SGMS1: variants seen among roughly 807,000 people sequenced by gnomAD.
SGMS1 encodes the protein sphingomyelin synthase 1, also known as phosphatidylcholine:ceramide cholinephosphotransferase 1.
SGMS1 carries 13 observed loss-of-function variants against 46.2 expected under a neutral mutation model. That is an observed-to-expected ratio of 0.28 (90% CI 0.18 to 0.45). The LOEUF (loss-of-function observed/expected upper bound fraction) is 0.45, where lower values mean the gene tolerates loss of function less well. SGMS1 is among the 20% of genes least tolerant of loss of function. The pLI, the probability that SGMS1 is intolerant of heterozygous loss-of-function variation, is 1.00. For synonymous variants in SGMS1, 203 were observed against 187.8 expected (o/e 1.08, Z -0.66); for missense variants, 324 against 519.9 (o/e 0.62, Z 3.66).
chr10:50,338,898 C>T (rs776253087), intron 7 of SGMS1, among the ~76,000 whole-genome samples: 42 of 152,128 alleles, frequency 2.8e-4, no homozygotes, highest in Non-Finnish European at 8.8e-5. Flanking sequence ...TGCCATCACG[C>T]CCAGCTAATT....
At chr10:50,472,398 A>G (rs1837386236) in intron 3 of SGMS1, among the ~76,000 whole-genome samples, 1 of 152,066 alleles carries the variant, frequency 6.6e-6, no homozygotes, top group Non-Finnish European at 1.5e-5. Flanking sequence ...CTCTACTTCT[A>G]TGAGTTTGAC....
At chr10:50,451,360 T>A (rs1179124328) in intron 5 of SGMS1, among the ~76,000 whole-genome samples, 1 of 152,214 alleles carries the variant, frequency 6.6e-6, no homozygotes, top group Non-Finnish European at 1.5e-5. Context: ...CACTACTAAC[T>A]TTCAAAAACT....
At chr10:50,496,990 T>C (rs1837620757) in intron 3 of SGMS1, among the ~76,000 whole-genome samples, 1 of 152,214 alleles carries the variant, frequency 6.6e-6, no homozygotes, top group Non-Finnish European at 1.5e-5. Context: ...CCACTCTAGC[T>C]TCCACCCACT....
At position 50,399,068 on chromosome 10, in the gene SGMS1, G is replaced by A. The variant is rs191216769; in HGVS notation, c.-232+34408C>T. Among the ~76,000 whole-genome samples, 26 of 152,176 alleles carry A rather than the reference G, an allele frequency of 1.7e-4. 1 individual carries two copies. Among genetic ancestry groups the A allele is most frequent in the Admixed American group, 1.6e-3 (25 of 15,292 alleles). ...AGAGGAATCTTATCTTTTAAGAACC[G>A]ATGGAAATGTTCTAAAACTGGTTTA... is the stretch of plus-strand genomic sequence containing the variant. On this transcript the variant is annotated intron_variant, in intron 6 of 10. Coordinates refer to ENST00000361781, the MANE Select transcript of SGMS1 (RefSeq NM_147156.4).
intron 2 of SGMS1, among the ~76,000 whole-genome samples, chr10:50,561,577 T>C (rs1348939765): frequency 6.6e-6 from 1 of 152,198 alleles, no homozygotes; most frequent in African/African-American, 2.4e-5. Flanking sequence ...ATCCTTAATC[T>C]TTATAAATAC....
At chr10:50,587,839 T>C (rs12572387) in intron 2 of SGMS1, among the ~76,000 whole-genome samples, 31,591 of 152,094 alleles carry the variant, frequency 0.21, 4,305 homozygotes, top group East Asian at 0.64. Flanking sequence ...TGAGATTGTG[T>C]TAGTCATGCT....
intron 1 of SGMS1, among the ~76,000 whole-genome samples, chr10:50,602,838 G>T (rs546004010): frequency 3.9e-5 from 6 of 152,154 alleles, no homozygotes; most frequent in African/African-American, 1.4e-4. Context: ...ACTCTCTGTG[G>T]AAAGAACTGC....
At chr10:50,439,124 G>C (rs1849510718) in intron 5 of SGMS1, among the ~76,000 whole-genome samples, 5 of 152,156 alleles carry the variant, frequency 3.3e-5, no homozygotes, top group Admixed American at 2.0e-4. Flanking sequence ...TGGATTAGTG[G>C]TTTTGAGAAC....
At chr10:50,613,965 TACAA>T (rs1838773832) in intron 1 of SGMS1, among the ~76,000 whole-genome samples, 1 of 152,222 alleles carries the variant, frequency 6.6e-6, no homozygotes, top group South Asian at 2.1e-4. Context: ...TCTTTTTTCC[TACAA>T]ACACAGTTTT....
rs558384935 is a variant in SGMS1, at chr10:50,589,435, A to C, written c.-589+718T>G. 2.6e-5 allele frequency among the ~76,000 whole-genome samples: 4 copies of C among 151,072 alleles called. No homozygotes were observed. In the South Asian group the frequency reaches 8.4e-4, roughly 32 times the overall value. ...TGCCACCATGACTGGCTAAATTTTTAATTTTTTGTAGACAAGGTCTTGCTA... is the reference window on the plus strand; with the variant it reads ...TGCCACCATGACTGGCTAAATTTTTCATTTTTTGTAGACAAGGTCTTGCTA... On this transcript the variant is annotated intron_variant, in intron 2 of 10. Coordinates refer to ENST00000361781, the MANE Select transcript of SGMS1 (RefSeq NM_147156.4).
chr10:50,433,765 T>C (rs533824104), intron 5 of SGMS1, among the ~76,000 whole-genome samples: 1 of 152,330 alleles, frequency 6.6e-6, no homozygotes, highest in South Asian at 2.1e-4. Context: ...ATTTCCACTA[T>C]GAAGGATTGG....
chr10:50,322,572 C>T (rs1458681454), intron 8 of SGMS1, among the ~76,000 whole-genome samples: 1 of 152,106 alleles, frequency 6.6e-6, no homozygotes, highest in Non-Finnish European at 1.5e-5. Flanking sequence ...GTGGCTCACG[C>T]CTGTAATCCC....
intron 2 of SGMS1, among the ~76,000 whole-genome samples, chr10:50,545,270 T>C (rs1838090901): frequency 6.6e-6 from 1 of 152,162 alleles, no homozygotes; most frequent in African/African-American, 2.4e-5. Context: ...CCTTTCAGGT[T>C]TCTAGAGGCA....
intron 1 of SGMS1, among the ~76,000 whole-genome samples, chr10:50,605,165 G>A (rs1356309503): frequency 3.3e-5 from 5 of 152,184 alleles, no homozygotes; most frequent in African/African-American, 1.2e-4. Context: ...CATGGAGTCA[G>A]TGGGGAGCAT....
rs371508329 is a variant in SGMS1 at position 50,584,446 on chromosome 10, C to T, written c.-589+5707G>A. On this transcript the variant is annotated intron_variant, in intron 2 of 10. Coordinates refer to ENST00000361781, the MANE Select transcript of SGMS1 (RefSeq NM_147156.4). ...CCCGGGAGGCAGAGGTTGTAGTAAG[C>T]GGAGATCGTGCCACTGCACTCCAGC... Among the ~76,000 whole-genome samples, 397 of 137,878 alleles carry T rather than the reference C, an allele frequency of 2.9e-3. 14 individuals are homozygous for T. In the South Asian group the frequency reaches 0.082, roughly 29 times the overall value. 90.5% of individuals were successfully genotyped at this position (137,878 alleles called of 152,430 possible).
intron 1 of SGMS1, among the ~76,000 whole-genome samples, chr10:50,608,791 A>G (rs1187370962): frequency 6.6e-6 from 1 of 152,110 alleles, no homozygotes; most frequent in Non-Finnish European, 1.5e-5. Context: ...ATCACCCCTC[A>G]GTAACTCAGG....
At chr10:50,616,458 C>T (rs1268980633) in intron 1 of SGMS1, among the ~76,000 whole-genome samples, 1 of 152,140 alleles carries the variant, frequency 6.6e-6, no homozygotes, top group Non-Finnish European at 1.5e-5. Context: ...TTAAAACCAG[C>T]ATTAGGGGAG....
At chr10:50,583,387 G>A (rs1015945070) in intron 2 of SGMS1, among the ~76,000 whole-genome samples, 1 of 152,114 alleles carries the variant, frequency 6.6e-6, no homozygotes, top group African/African-American at 2.4e-5. Flanking sequence ...ACCCTTGGAG[G>A]GAACCATTCC....
At chr10:50,530,777 G>A (rs1002728025) in intron 2 of SGMS1, among the ~76,000 whole-genome samples, 1 of 152,020 alleles carries the variant, frequency 6.6e-6, no homozygotes, top group East Asian at 1.9e-4. Context: ...GAACCACTGC[G>A]TCCTCTTTTT....
Sources: allele counts gnomAD v4.1 joint callset (sites outside exome capture counted in the v4.1 genomes callset), GRCh38; gene constraint gnomAD v4.1.1; transcripts MANE v1.5; gene names NCBI Gene and HGNC (gene_info 2026-07-23, HGNC 2026-07-21).